Variants in OVCH1 observed in about 807,000 individuals in gnomAD.
The protein encoded by OVCH1 is ovochymase-1.
OVCH1 carries 139 observed loss-of-function variants against 138.4 expected under a neutral mutation model. The observed-to-expected ratio is 1.00, with a 90% CI of 0.87 to 1.16. OVCH1 has a LOEUF of 1.16. Among genes scored for constraint, OVCH1 ranks in the 50% most tolerant of loss-of-function variants. OVCH1 has a pLI of 0.00. For synonymous variants in OVCH1, 453 were observed against 467.8 expected, an observed-to-expected ratio of 0.97 and a Z score of 0.41; for missense variants, 1,367 against 1,357.9, an observed-to-expected ratio of 1.01 and a Z score of -0.11.
chr12:29,461,350 C>T (rs915582696), intron 19 of OVCH1, among the ~76,000 whole-genome samples: 1 of 152,148 alleles, frequency 6.6e-6, no homozygotes, highest in Admixed American at 6.5e-5. Flanking sequence ...CATATTCTGT[C>T]TTTTTCTTGG....
rs1305401386 is a variant in OVCH1 at position 29,487,677 on chromosome 12, G to C, written c.892+16C>G. ...CCTTGAGTTAGGATGAGATGAGGAA[G>C]AAAGAATTCACCTACCTGTGAACAG... On this transcript the variant is annotated intron_variant, in intron 7 of 27. Coordinates refer to ENST00000318184, the Ensembl canonical transcript of OVCH1. 6.4e-7 allele frequency: 1 copy of C among 1,572,378 alleles called. No homozygotes were observed. The highest frequency in any genetic ancestry group is 2.3e-5 in the East Asian group (1 of 43,724).
chr12:29,477,651 G>A (rs1942788545), intron 9 of OVCH1, 173 bp from the exon 11 acceptor site: 1 of 1,553,774 alleles, frequency 6.4e-7, no homozygotes, highest in East Asian at 2.3e-5. Flanking sequence ...TGCTATTCCA[G>A]TCTCCTTCTC....
chr12:29,441,351 CA>C (rs1344985359), intron 25 of OVCH1, among the ~76,000 whole-genome samples: 2 of 152,060 alleles, frequency 1.3e-5, no homozygotes, highest in African/African-American at 2.4e-5. Flanking sequence ...ACAAACCTGA[CA>C]AAAACAAGCA....
At chr12:29,444,326 A>G (rs1455904616) in intron 23 of OVCH1, 46 bp from the exon 24 acceptor site, 4 of 1,578,536 alleles carry the variant, frequency 2.5e-6, no homozygotes, top group African/African-American at 1.4e-5. Context: ...ACCAATTTTT[A>G]ACAGGCTTCC....
intron 26 of OVCH1, among the ~76,000 whole-genome samples, chr12:29,438,438 C>A (rs530816050): frequency 6.7e-6 from 1 of 149,322 alleles, no homozygotes; most frequent in Non-Finnish European, 1.5e-5. Flanking sequence ...AGATAAACTT[C>A]GGAGTTAATT....
chr12:29,433,892 CAA>C (rs1427700714), intron 26 of OVCH1: 1 of 1,221,744 alleles, frequency 8.2e-7, no homozygotes, highest in African/African-American at 1.6e-5. Flanking sequence ...AAAAAAGAAA[CAA>C]AAGGTAAAAT....
chr12:29,423,584 C>T (rs2042512), downstream of OVCH1, among the ~76,000 whole-genome samples: 26,316 of 151,912 alleles, frequency 0.17, 2,536 homozygotes, highest in African/African-American at 0.27. Flanking sequence ...GGCATTTGCG[C>T]GAAGATAACT....
chr12:29,497,260 T>TCAAA (rs1158809977), intron 1 of OVCH1, among the ~76,000 whole-genome samples: 4 of 137,100 alleles, frequency 2.9e-5, no homozygotes, highest in African/African-American at 6.8e-5. Context: ...AGACCCTGTC[T>TCAAA]CAAACAAACA....
rs67595567 is a variant in OVCH1 at position 29,488,620 on chromosome 12, CAAAA to C, written c.703-742_703-739del. Among the ~76,000 whole-genome samples the C allele has an allele frequency of 5.0e-3, 309 of 61,724 alleles. 1 individual carries two copies. Among genetic ancestry groups the C allele is most frequent in the African/African-American group, 0.019 (274 of 14,752 alleles). 40.5% of individuals were successfully genotyped at this position (61,724 alleles called of 152,430 possible). A position where few individuals can be genotyped will look rare whatever the true frequency, so the allele number is the denominator to read the frequency against. On this transcript the variant is annotated intron_variant, in intron 6 of 27. Transcript: ENST00000318184. The stretch of plus-strand genomic sequence containing the variant: ...TGGGCAACAGAGTGAGACTCCATCT[CAAAA>C]AAAAAAAAAAAAAAAAAAAGAAAGG...
downstream of OVCH1, among the ~76,000 whole-genome samples, chr12:29,408,302 C>T (rs1367351457): frequency 8.0e-6 from 1 of 125,278 alleles, no homozygotes; most frequent in African/African-American, 2.5e-5. Context: ...CCTTTATTTC[C>T]TTCTCCTACC....
At chr12:29,487,064 C>T in intron 7 of OVCH1, 1 of 361,474 alleles carries the variant, frequency 2.8e-6, no homozygotes, top group South Asian at 2.1e-5. Flanking sequence ...TGCCCTTGGA[C>T]TGCCATGAGA....
At chr12:29,407,044 C>G in the OVCH1 span, among the ~76,000 whole-genome samples, 1 of 152,118 alleles carries the variant, frequency 6.6e-6, no homozygotes, top group African/African-American at 2.4e-5. Context: ...ATTTGCGTTT[C>G]TCTGATGGCC....
At chr12:29,430,796 C>A in intron 27 of OVCH1, 1 of 437,014 alleles carries the variant, frequency 2.3e-6, no homozygotes, top group Non-Finnish European at 4.6e-6. Context: ...GTCTGCACAC[C>A]AGATTAACAC....
In OVCH1 at chr12:29,476,970, T is replaced by TA. The variant is rs369497419; in HGVS notation, c.1377+131dup. On this transcript the variant is annotated intron_variant, in intron 12 of 27. Coordinates refer to ENST00000318184, the Ensembl canonical transcript of OVCH1. ...CACTCACAGAGATTTCTTTTCAGAG[T>TA]AAAAAAAAATGGCAAATGGCTAAAA... The TA allele has an allele frequency of 2.2e-3, 2,270 of 1,052,834 alleles. 2 individuals carry two copies. Among genetic ancestry groups the TA allele is most frequent in the Non-Finnish European group, 2.6e-3 (2,009 of 776,258 alleles). The allele number at this position is 1,052,834 out of a possible 1,614,324, so 65.2% of individuals were successfully genotyped here.
At chr12:29,405,360 T>G in the OVCH1 span, among the ~76,000 whole-genome samples, 80 of 152,332 alleles carry the variant, frequency 5.3e-4, 1 homozygote, top group Non-Finnish European at 9.6e-4. Context: ...AGGAAGATGA[T>G]CCTGCAGCTC....
At chr12:29,427,586 T>C in exon 28 of OVCH1, 3 of 1,551,464 alleles carry the variant, frequency 1.9e-6, no homozygotes, top group Non-Finnish European at 2.6e-6. Context: ...AACCAGAAAG[T>C]GAGCCCTTAG....
intron 3 of OVCH1, among the ~76,000 whole-genome samples, chr12:29,418,504 A>G (rs904287459): frequency 1.3e-5 from 2 of 152,250 alleles, no homozygotes. Flanking sequence ...TTTTGAAATA[A>G]TTATTTAACT....
chr12:29,421,016 C>T (rs1381866207), intron 3 of OVCH1, among the ~76,000 whole-genome samples: 2 of 152,242 alleles, frequency 1.3e-5, no homozygotes, highest in Non-Finnish European at 2.9e-5. Context: ...CTCAGAGACC[C>T]TGCACCACAG....
intron 16 of OVCH1, among the ~76,000 whole-genome samples, chr12:29,465,825 TAA>T (rs926389216): frequency 4.0e-5 from 6 of 151,820 alleles, no homozygotes; most frequent in Non-Finnish European, 8.8e-5. Context: ...AGAATATGTT[TAA>T]AAAAGACTTG....
Sources: gnomAD v4.1 joint callset for allele counts (sites outside exome capture counted in the v4.1 genomes callset) on GRCh38, gnomAD v4.1.1 for gene constraint, MANE v1.5 for transcripts, NCBI Gene and HGNC (gene_info 2026-07-23, HGNC 2026-07-21) for gene names.